ITGA2B: variants seen among roughly 807,000 people sequenced by gnomAD.
ITGA2B encodes integrin alpha-IIb.
ITGA2B carries 91 observed loss-of-function variants against 142.0 expected under a neutral mutation model. That is an observed-to-expected ratio of 0.64 (90% CI 0.54 to 0.76). ITGA2B has a LOEUF of 0.76. Among genes scored for constraint, ITGA2B ranks in the 30% least tolerant of loss-of-function variants. ITGA2B has a pLI of 0.00. For synonymous variants in ITGA2B, 536 were observed against 567.2 expected (o/e 0.94, Z 0.78); for missense variants, 1,231 against 1,350.8 (o/e 0.91, Z 1.39).
intron 1 of ITGA2B, among the ~76,000 whole-genome samples, chr17:44,387,944 C>A (rs979239893): frequency 1.3e-5 from 2 of 152,052 alleles, no homozygotes; most frequent in Non-Finnish European, 2.9e-5. Flanking sequence ...CCACTCTCCC[C>A]ACTCACCCAC....
rs1332156370 is a variant in ITGA2B at position 44,383,703 on chromosome 17, T to C, written c.1000A>G (p.Arg334Gly). 1 of 1,573,244 alleles carries C rather than the reference T, an allele frequency of 6.4e-7. No individual in the cohort carries two copies. Among genetic ancestry groups the C allele is most frequent in the South Asian group, 1.2e-5 (1 of 86,198 alleles). Reference sequence around the variant, plus strand: ...GGAGCGCCCACCAGCAGATCATGCCTCCTGTGGGCCAGATGAGTGGTTACA... The same window carrying C: ...GGAGCGCCCACCAGCAGATCATGCCCCCTGTGGGCCAGATGAGTGGTTACA... ...VAVTDVNGDGRHDLLVGAPLY... is the reference protein window; with the variant it reads ...VAVTDVNGDGGHDLLVGAPLY... The change falls in exon 12 of 30, where the codon AGG becomes GGG. Residue 334 changes from arginine to glycine, a missense_variant and splice_region_variant. Physicochemically the swap from Arg to Gly is moderately radical, Grantham distance 125 (BLOSUM62 -2). Around this residue, in one of 3 missense-constraint regions of ITGA2B, gnomAD observed 908 missense variants for 1,021.1 expected, o/e 0.89. Transcript: ENST00000262407.
In ITGA2B at chr17:44,380,140, C is replaced by T. The variant is rs757111752; in HGVS notation, c.1614G>A (p.Glu538=). The change falls in exon 17 of 30, where the codon GAG becomes GAA. Residue 538 remains glutamate (E), a synonymous_variant. Coordinates refer to ENST00000262407, the MANE Select transcript of ITGA2B (RefSeq NM_000419.5). ...GGGGCTTCTGCCGGTCCAGCTGCAGCTCGGCATTTAGGGCTGGCAGGGCAA... is the reference window on the plus strand; with the variant it reads ...GGGGCTTCTGCCGGTCCAGCTGCAGTTCGGCATTTAGGGCTGGCAGGGCAA... ...NIPQKLSLNA[E]LQLDRQKPRQ... 1 of 1,613,814 alleles carries T rather than the reference C, an allele frequency of 6.2e-7. No homozygotes were observed. Among genetic ancestry groups the T allele is most frequent in the Non-Finnish European group, 8.5e-7 (1 of 1,179,976 alleles).
intron 13 of ITGA2B, 90 bp downstream of exon 13, chr17:44,380,789 G>A (rs1161671022): frequency 6.3e-7 from 1 of 1,587,954 alleles, no homozygotes; most frequent in African/African-American, 1.3e-5. Context: ...ACCAGGCCAG[G>A]CATGAGCCCC....
At chr17:44,381,730 C>T (rs1006042924) in intron 12 of ITGA2B, among the ~76,000 whole-genome samples, 17 of 152,012 alleles carry the variant, frequency 1.1e-4, no homozygotes, top group Admixed American at 8.5e-4. Flanking sequence ...ACCTTCTGGA[C>T]TAAAGCAATC....
At chr17:44,385,756 T>G (rs1419747360) in intron 3 of ITGA2B, 40 bp from the exon 4 acceptor site, 1 of 1,613,094 alleles carries the variant, frequency 6.2e-7, no homozygotes, top group African/African-American at 1.3e-5. Context: ...GCGCGAGACT[T>G]GGGCTCCTCC....
chr17:44,379,010 A>G (rs1215031884), intron 18 of ITGA2B, among the ~76,000 whole-genome samples: 1 of 150,446 alleles, frequency 6.6e-6, no homozygotes, highest in Non-Finnish European at 1.5e-5. Flanking sequence ...CAGTGGCACT[A>G]TCTCGGCTCA....
chr17:44,380,949 G>C lies in ITGA2B; in HGVS notation c.1323C>G (p.Pro441=), dbSNP rs2048591689. The C allele has an allele frequency of 6.2e-7, 1 of 1,614,146 alleles. No individual in the cohort carries two copies. Among genetic ancestry groups the C allele is most frequent in the African/African-American group, 1.3e-5 (1 of 74,954 alleles). The change falls in exon 13 of 30, where the codon CCC becomes CCG. Residue 441 remains proline, a synonymous_variant. Transcript: ENST00000262407. ...RSRPSQVLDS[P]FPTGSAFGFS... The stretch of plus-strand genomic sequence containing the variant: ...AGCCAAAGGCAGAGCCTGTGGGGAA[G>C]GGGCTGTCCAGGACCTGGGAGGGAC...
chr17:44,377,699 T>C lies in ITGA2B; in HGVS notation c.2186A>G (p.Gln729Arg). The C allele has an allele frequency of 1.2e-6, 2 of 1,612,808 alleles. No individual in the cohort carries two copies. Among genetic ancestry groups the C allele is most frequent in the Non-Finnish European group, 1.7e-6 (2 of 1,179,300 alleles). ...GGTACCACGACCCAGCAGCCTCACC[T>C]GGGCGTTCTTCTTCATGGGGTTGCC... ...ELGNPMKKNA[Q>R]IGIAMLVSVG... is the part of the protein sequence containing the mutation. Residue 729 changes from glutamine (Q) to arginine (R), a missense_variant and splice_region_variant, in exon 21 of 30, where the codon CAG becomes CGG. By Grantham distance (43) the Gln-to-Arg change is conservative (BLOSUM62 1). Around this residue, in one of 3 missense-constraint regions of ITGA2B, gnomAD observed 908 missense variants for 1,021.1 expected, o/e 0.89. Transcript: ENST00000262407.
At chr17:44,378,071 A>C (rs2048560592) in intron 20 of ITGA2B, among the ~76,000 whole-genome samples, 1 of 152,124 alleles carries the variant, frequency 6.6e-6, no homozygotes, top group Admixed American at 6.5e-5. Context: ...TACTTATGTG[A>C]GTGTGAGTCA....
chr17:44,373,998 T>C (rs1022529253), intron 29 of ITGA2B: 1 of 257,674 alleles, frequency 3.9e-6, no homozygotes, highest in Admixed American at 4.8e-5. Flanking sequence ...CTCCGCCTCC[T>C]GGGTTCATGC....
At chr17:44,374,129 C>G (rs555180651) in intron 29 of ITGA2B, 21 of 547,080 alleles carry the variant, frequency 3.8e-5, no homozygotes, top group Non-Finnish European at 6.7e-5. Context: ...TGGTCTCGAA[C>G]TCTTGACCTC....
In ITGA2B at chr17:44,383,530, G is replaced by T; in HGVS notation, c.1173C>A (p.Ile391=). The change falls in exon 12 of 30, where the codon ATC becomes ATA. Residue 391 remains isoleucine, a synonymous_variant. Transcript: ENST00000262407. Reference sequence around the variant, plus strand: ...CCCGGTCGAGGTCGCCCAGGGGTGCGATGGCAGAGCCGAATCGCCCATAGA... The same window carrying T: ...CCCGGTCGAGGTCGCCCAGGGGTGCTATGGCAGAGCCGAATCGCCCATAGA... ...TQLYGRFGSA[I]APLGDLDRDG... is the part of the protein sequence containing the mutation. 6.2e-7 allele frequency: 1 copy of T among 1,611,120 alleles called. No homozygotes were observed. Among genetic ancestry groups the T allele is most frequent in the Non-Finnish European group, 8.5e-7 (1 of 1,179,928 alleles).
Position 44,385,070 on chromosome 17 carries a change from A to T in ITGA2B, c.677T>A (p.Leu226Gln). The change falls in exon 7 of 30, where the codon CTG becomes CAG. Residue 226 changes from leucine (L) to glutamine (Q), a missense_variant. Coordinates refer to ENST00000262407, the MANE Select transcript of ITGA2B (RefSeq NM_000419.5). ...AATATCCGCAACTGGAGCCTGGGCC[A>T]GGAGACCTAGGGCGGGAGGGACAGC... ...APGGYYFLGL[L>Q]AQAPVADIFS... The T allele has an allele frequency of 6.2e-7, 1 of 1,614,148 alleles. No homozygotes were observed. The highest frequency in any genetic ancestry group is 1.7e-5 in the Admixed American group (1 of 60,026).
intron 1 of ITGA2B, among the ~76,000 whole-genome samples, chr17:44,388,620 G>T (rs1020602846): frequency 6.6e-6 from 1 of 151,604 alleles, no homozygotes; most frequent in African/African-American, 2.4e-5. Context: ...CCGGGTTCAA[G>T]TGATTCTCCT....
intron 1 of ITGA2B, among the ~76,000 whole-genome samples, chr17:44,388,135 C>G (rs966547610): frequency 2.7e-4 from 41 of 152,136 alleles, no homozygotes; most frequent in African/African-American, 9.7e-4. Context: ...GCTCAGGGTA[C>G]ACGCTATGAA....
intron 26 of ITGA2B, 135 bp downstream of exon 26, chr17:44,375,456 T>A: frequency 9.4e-7 from 1 of 1,065,160 alleles, no homozygotes; most frequent in Non-Finnish European, 1.4e-6. Context: ...TCCTCCATGT[T>A]CACTTGAAGT....
In ITGA2B at chr17:44,385,171, A is replaced by G. The variant is rs207476418; in HGVS notation, c.663T>C (p.Tyr221=). 1 of 1,613,990 alleles carries G rather than the reference A, an allele frequency of 6.2e-7. No homozygotes were observed. The highest frequency in any genetic ancestry group is 8.5e-7 in the Non-Finnish European group (1 of 1,179,994). The change falls in exon 6 of 30, where the codon TAT becomes TAC. Residue 221 remains tyrosine (Y), a synonymous_variant. Transcript: ENST00000262407. The part of the protein sequence containing the change: ...ELVLGAPGGY[Y]FLGLLAQAPV... The stretch of plus-strand genomic sequence containing the variant: ...GTACGGATGGGCACGTACCTAAGAA[A>G]TAATAGCCGCCAGGAGCCCCAAGCA...
intron 18 of ITGA2B, among the ~76,000 whole-genome samples, chr17:44,379,245 C>T (rs890911765): frequency 1.5e-4 from 22 of 142,836 alleles, no homozygotes; most frequent in South Asian, 1.1e-3. Context: ...TGAGCCACTG[C>T]GCCTGGCTTT....
intron 7 of ITGA2B, 113 bp downstream of exon 7, chr17:44,384,835 G>A: frequency 6.5e-7 from 1 of 1,547,280 alleles, no homozygotes; most frequent in East Asian, 2.2e-5. Flanking sequence ...AGCGGCTTAG[G>A]CGGTGGGTTG....
Sources: gnomAD v4.1 joint callset for allele counts (sites outside exome capture counted in the v4.1 genomes callset) on GRCh38, gnomAD v4.1.1 for gene constraint, gnomAD v4.1.1 regional missense constraint, MANE v1.5 for transcripts, NCBI Gene and HGNC (gene_info 2026-07-23, HGNC 2026-07-21) for gene names.